SLC16A2: variants seen among roughly 807,000 people sequenced by gnomAD.
The protein encoded by SLC16A2 is solute carrier family 16 member 2.
A neutral mutation model predicts 27.2 loss-of-function variants in SLC16A2; 3 were observed. The observed-to-expected ratio is 0.11, with a 90% CI of 0.05 to 0.28. The LOEUF is 0.28. Among genes scored for constraint, SLC16A2 ranks in the 10% least tolerant of loss-of-function variants. The pLI is 1.00. For synonymous variants in SLC16A2, 202 were observed against 187.8 expected (o/e 1.08, Z -0.62); for missense variants, 295 against 458.5 (o/e 0.64, Z 3.26).
intron 1 of SLC16A2, among the ~76,000 whole-genome samples, chrX:74,496,256 ACACACACACACACACACACG>A (rs1403413956): frequency 1.6e-5 from 1 of 63,944 alleles, no homozygotes. Flanking sequence ...CAGAAAACAC[ACACACACACACACACACACG>A]CACACACACA....
chrX:74,480,070 T>C (rs1046932301), intron 1 of SLC16A2, among the ~76,000 whole-genome samples: 1 of 112,487 alleles, frequency 8.9e-6, no homozygotes, highest in African/African-American at 3.2e-5. Context: ...GGCTATGCCC[T>C]GCCCCCAGAG....
At chrX:74,480,018 T>A (rs1281689220) in intron 1 of SLC16A2, among the ~76,000 whole-genome samples, 1 of 112,251 alleles carries the variant, frequency 8.9e-6, no homozygotes, top group Non-Finnish European at 1.9e-5. Context: ...AGCTGTCAGA[T>A]AGGGACATTT....
In SLC16A2 at chrX:74,521,129, C is replaced by A; in HGVS notation, c.570C>A (p.Phe190Leu). Reference sequence around the variant, plus strand: ...TCATTGGCCTCCATACCAGCTCCTTCACCAGGTAAGGCTAAGAGTTGGTGG... The same window carrying A: ...TCATTGGCCTCCATACCAGCTCCTTAACCAGGTAAGGCTAAGAGTTGGTGG... ...VAFIGLHTSS[F>L]TSSLSLRYFT... The change falls in exon 2 of 6, where the codon TTC becomes TTA. Residue 190 changes from phenylalanine to leucine, a missense_variant. By Grantham distance (22) the Phe-to-Leu change is conservative. Around this residue, in one of 3 missense-constraint regions of SLC16A2, gnomAD observed 59 missense variants for 153.6 expected, o/e 0.38. Coordinates refer to ENST00000587091, the MANE Select transcript of SLC16A2 (RefSeq NM_006517.5). 1 of 1,212,005 alleles carries A rather than the reference C, an allele frequency of 8.3e-7. No individual in the cohort carries two copies. The highest frequency in any genetic ancestry group is 1.1e-6 in the Non-Finnish European group (1 of 895,517).
At chrX:74,437,318 G>A (rs772846961) in intron 1 of SLC16A2, among the ~76,000 whole-genome samples, 3 of 112,491 alleles carry the variant, frequency 2.7e-5, no homozygotes, top group Non-Finnish European at 3.8e-5. Context: ...AGATGACTGA[G>A]CATGGTCATG....
At chrX:74,504,425 A>G (rs571384124) in intron 1 of SLC16A2, among the ~76,000 whole-genome samples, 1 of 111,359 alleles carries the variant, frequency 9.0e-6, no homozygotes, top group Non-Finnish European at 1.9e-5. Context: ...CACCTGTCAC[A>G]TAAGTAGCCA....
Position 74,514,039 on chromosome X carries a change from C to T in SLC16A2, c.431-6951C>T, listed in dbSNP as rs775242647. Among the ~76,000 whole-genome samples the T allele has an allele frequency of 3.6e-5, 4 of 111,661 alleles. No individual in the cohort carries two copies. In the South Asian group the frequency reaches 1.5e-3, roughly 41 times the overall value. Reference sequence around the variant, plus strand: ...TTTAGTATTAAAAACTATATTAAGGCACTTTTCTCTATACTTCCAATGCAG... The same window carrying T: ...TTTAGTATTAAAAACTATATTAAGGTACTTTTCTCTATACTTCCAATGCAG... On this transcript the variant is annotated intron_variant, in intron 1 of 5. Transcript: ENST00000587091.
At chrX:74,479,588 C>T (rs1929568983) in intron 1 of SLC16A2, among the ~76,000 whole-genome samples, 1 of 112,043 alleles carries the variant, frequency 8.9e-6, no homozygotes, top group Non-Finnish European at 1.9e-5. Flanking sequence ...AGTTTTTCTG[C>T]TCTGTTTTTT....
In SLC16A2 at chrX:74,424,530, C is replaced by T. The variant is rs1297874642; in HGVS notation, c.430+2463C>T. Among the ~76,000 whole-genome samples the T allele has an allele frequency of 2.7e-5, 3 of 112,020 alleles. No homozygotes were observed. The East Asian group carries it at 8.4e-4, about 31-fold the overall frequency. ...AATTTCCCAGCCGTCTGTGCCACAG[C>T]ACTGGTGTCTCAAAGGGATAGAAGA... On this transcript the variant is annotated intron_variant, in intron 1 of 5. Coordinates refer to ENST00000587091, the MANE Select transcript of SLC16A2 (RefSeq NM_006517.5).
intron 1 of SLC16A2, among the ~76,000 whole-genome samples, chrX:74,515,649 A>G (rs1384442470): frequency 1.8e-5 from 2 of 108,597 alleles, no homozygotes; most frequent in Non-Finnish European, 3.9e-5. Flanking sequence ...ACGTGCATGC[A>G]CACACACACA....
intron 1 of SLC16A2, among the ~76,000 whole-genome samples, chrX:74,511,621 A>C (rs1435482500): frequency 2.7e-5 from 3 of 112,540 alleles, no homozygotes; most frequent in Non-Finnish European, 5.6e-5. Flanking sequence ...ATATGAAAGT[A>C]CTTTTGGACT....
chrX:74,452,240 G>A (rs1353751830), intron 1 of SLC16A2, among the ~76,000 whole-genome samples: 1 of 112,043 alleles, frequency 8.9e-6, no homozygotes, highest in Non-Finnish European at 1.9e-5. Flanking sequence ...GGTGGATTTG[G>A]GAAGTGGCCT....
intron 1 of SLC16A2, among the ~76,000 whole-genome samples, chrX:74,443,792 G>A (rs976566741): frequency 8.9e-6 from 1 of 111,993 alleles, no homozygotes; most frequent in Non-Finnish European, 1.9e-5. Context: ...TGCAGACAGA[G>A]GCTAACCTTG....
chrX:74,528,455 C>T lies in SLC16A2; in HGVS notation c.1171-758C>T, dbSNP rs193086740. The stretch of plus-strand genomic sequence containing the variant: ...CATTTTGCTTAGCCCAGAGAAAGCC[C>T]AGTGGCTAGTCAGTGTTCCTGGGTT... On this transcript the variant is annotated intron_variant, in intron 4 of 5. Coordinates refer to ENST00000587091, the MANE Select transcript of SLC16A2 (RefSeq NM_006517.5). Among the ~76,000 whole-genome samples, 30 of 111,282 alleles carry T rather than the reference C, an allele frequency of 2.7e-4. No individual in the cohort carries two copies. In the East Asian group the frequency reaches 8.2e-3, roughly 30 times the overall value.
chrX:74,482,911 C>T (rs1195696629), intron 1 of SLC16A2, among the ~76,000 whole-genome samples: 1 of 111,436 alleles, frequency 9.0e-6, no homozygotes, highest in Non-Finnish European at 1.9e-5. Context: ...CACTGTGTTG[C>T]CCAGGCTGGT....
chrX:74,439,703 A>C (rs1038326437), intron 1 of SLC16A2, among the ~76,000 whole-genome samples: 79 of 106,156 alleles, frequency 7.4e-4, no homozygotes, highest in Non-Finnish European at 5.8e-5. Context: ...GTGGTGGGGG[A>C]GTGGGGGGTG....
At chrX:74,492,776 G>T (rs184478646) in intron 1 of SLC16A2, among the ~76,000 whole-genome samples, 1 of 111,215 alleles carries the variant, frequency 9.0e-6, no homozygotes, top group Non-Finnish European at 1.9e-5. Context: ...GGGCAAACAC[G>T]AGATTCCCTA....
intron 1 of SLC16A2, among the ~76,000 whole-genome samples, chrX:74,439,963 T>A (rs1030767361): frequency 2.7e-5 from 3 of 111,817 alleles, no homozygotes; most frequent in African/African-American, 9.8e-5. Flanking sequence ...TCCTTCAGCC[T>A]CCCCTCAATC....
At chrX:74,495,762 G>A (rs499784) in intron 1 of SLC16A2, among the ~76,000 whole-genome samples, 10 of 111,442 alleles carry the variant, frequency 9.0e-5, no homozygotes, top group South Asian at 3.8e-4. Context: ...TGTCAGGAAG[G>A]TCTTCCTGCC....
At position 74,463,104 on chromosome X, in the gene SLC16A2, G is replaced by C. The variant is rs145807479; in HGVS notation, c.430+41037G>C. Among the ~76,000 whole-genome samples the C allele has an allele frequency of 2.0e-3, 219 of 111,497 alleles. 1 individual carries two copies. Among genetic ancestry groups the C allele is most frequent in the African/African-American group, 6.0e-3 (185 of 30,698 alleles). On this transcript the variant is annotated intron_variant, in intron 1 of 5. Transcript: ENST00000587091. ...TCTAGAGATTCTTCAGATTTTTCCAGGGACTACTGCAGAGGGAGAGGATGG... is the reference window on the plus strand; with the variant it reads ...TCTAGAGATTCTTCAGATTTTTCCACGGACTACTGCAGAGGGAGAGGATGG...
Sources: allele counts gnomAD v4.1 joint callset (sites outside exome capture counted in the v4.1 genomes callset), GRCh38; gene constraint gnomAD v4.1.1; regional missense constraint gnomAD v4.1.1; transcripts MANE v1.5; gene names NCBI Gene and HGNC (gene_info 2026-07-23, HGNC 2026-07-21).